The following AGBL4 variants were observed in gnomAD, a reference collection of about 807,000 sequenced individuals.
AGBL4 encodes the protein cytosolic carboxypeptidase 6.
In AGBL4, 58 loss-of-function variants were observed where a neutral mutation model predicts 66.4. That is an observed-to-expected ratio of 0.87 (90% CI 0.71 to 1.09). AGBL4 has a LOEUF of 1.09. AGBL4 is among the 50% of genes least tolerant of loss of function. The probability of loss-of-function intolerance (pLI) is 0.00; values close to 1 mark genes in which losing one functional copy is unlikely to be tolerated. For missense variants in AGBL4, 579 were observed against 631.0 expected (o/e 0.92, Z 0.88); for synonymous variants, 234 against 222.9 (o/e 1.05, Z -0.44).
chr1:49,771,632 T>C (rs1043191835), intron 2 of AGBL4, among the ~76,000 whole-genome samples: 5 of 152,244 alleles, frequency 3.3e-5, no homozygotes, highest in Admixed American at 3.3e-4. Flanking sequence ...GACTATCTTT[T>C]CCTTTAGATC....
chr1:48,749,826 G>A (rs1458062888), intron 6 of AGBL4, among the ~76,000 whole-genome samples: 1 of 152,180 alleles, frequency 6.6e-6, no homozygotes, highest in Non-Finnish European at 1.5e-5. Context: ...AAATGGCAGG[G>A]TATGTGCAGA....
intron 11 of AGBL4, among the ~76,000 whole-genome samples, chr1:48,572,612 G>A (rs1215179661): frequency 1.3e-5 from 2 of 152,102 alleles, no homozygotes; most frequent in African/African-American, 2.4e-5. Context: ...AAAACAAAAC[G>A]GGGAATGAAA....
intron 11 of AGBL4, among the ~76,000 whole-genome samples, chr1:48,565,062 AT>A (rs906948834): frequency 6.6e-6 from 1 of 152,324 alleles, no homozygotes; most frequent in African/African-American, 2.4e-5. Context: ...GAACACTAAC[AT>A]TTACAGTGAG....
intron 4 of AGBL4, among the ~76,000 whole-genome samples, chr1:49,061,858 C>T (rs1449138684): frequency 1.3e-5 from 2 of 152,116 alleles, no homozygotes; most frequent in African/African-American, 4.8e-5. Context: ...ATTAAGTCAA[C>T]CAGTGAGCTG....
chr1:49,661,647 A>G (rs898036060), intron 3 of AGBL4, among the ~76,000 whole-genome samples: 1 of 152,116 alleles, frequency 6.6e-6, no homozygotes, highest in Non-Finnish European at 1.5e-5. Flanking sequence ...TTTATAAATT[A>G]CCCAGTCTAA....
chr1:48,668,694 C>T (rs576061175), intron 6 of AGBL4, among the ~76,000 whole-genome samples: 1 of 152,216 alleles, frequency 6.6e-6, no homozygotes, highest in Non-Finnish European at 1.5e-5. Flanking sequence ...TCATCCAGGA[C>T]TTGGACTGGG....
intron 2 of AGBL4, among the ~76,000 whole-genome samples, chr1:49,786,691 C>T (rs1006326844): frequency 6.6e-6 from 1 of 152,088 alleles, no homozygotes; most frequent in Admixed American, 6.5e-5. Context: ...TCTATAAATA[C>T]TGGACATTTT....
At chr1:49,507,338 G>T (rs1648791121) in intron 3 of AGBL4, among the ~76,000 whole-genome samples, 1 of 151,898 alleles carries the variant, frequency 6.6e-6, no homozygotes, top group South Asian at 2.1e-4. Context: ...GAGCCAAATT[G>T]GGACCAAAAG....
intron 3 of AGBL4, among the ~76,000 whole-genome samples, chr1:49,656,703 T>C (rs1189001859): frequency 6.6e-6 from 1 of 152,144 alleles, no homozygotes; most frequent in Non-Finnish European, 1.5e-5. Context: ...TGGTTCATCA[T>C]ACGCAAATCA....
chr1:49,684,332 G>A (rs1646749336), intron 3 of AGBL4, among the ~76,000 whole-genome samples: 1 of 152,112 alleles, frequency 6.6e-6, no homozygotes, highest in Non-Finnish European at 1.5e-5. Context: ...CTGGTACCCA[G>A]TTTCATTTGC....
chr1:49,580,767 T>C (rs1644526761), intron 3 of AGBL4, among the ~76,000 whole-genome samples: 1 of 152,190 alleles, frequency 6.6e-6, no homozygotes, highest in African/African-American at 2.4e-5. Flanking sequence ...GTGAGTCACA[T>C]GTTTTTCTCT....
At chr1:48,602,184 T>C (rs1280624656) in intron 9 of AGBL4, among the ~76,000 whole-genome samples, 1 of 152,064 alleles carries the variant, frequency 6.6e-6, no homozygotes, top group Non-Finnish European at 1.5e-5. Context: ...ACCACTCAGC[T>C]GCAGGGACAG....
chr1:48,650,444 ACCTT>A (rs57012926), intron 8 of AGBL4, among the ~76,000 whole-genome samples: 68,771 of 146,968 alleles, frequency 0.47, 17,684 homozygotes, highest in Non-Finnish European at 0.57. Context: ...CTGAGAACCA[ACCTT>A]CCTTCCTTCC....
At chr1:49,359,120 C>A (rs1403966843) in intron 3 of AGBL4, among the ~76,000 whole-genome samples, 1 of 152,158 alleles carries the variant, frequency 6.6e-6, no homozygotes, top group Non-Finnish European at 1.5e-5. Context: ...GTGTCTACTG[C>A]AGTTTTAGGC....
chr1:49,965,939 ATTTTTT>A (rs1166636337), intron 1 of AGBL4, among the ~76,000 whole-genome samples: 1 of 136,526 alleles, frequency 7.3e-6, no homozygotes, highest in South Asian at 2.3e-4. Flanking sequence ...TATTACAATG[ATTTTTT>A]TTTTTTTTTT....
At chr1:48,785,412 C>A (rs1016166428) in intron 6 of AGBL4, among the ~76,000 whole-genome samples, 1 of 152,088 alleles carries the variant, frequency 6.6e-6, no homozygotes, top group Admixed American at 6.5e-5. Flanking sequence ...AACAGGTGTA[C>A]GAAGGGCCAT....
intron 2 of AGBL4, among the ~76,000 whole-genome samples, chr1:49,807,154 G>A (rs1172281457): frequency 6.6e-6 from 1 of 152,054 alleles, no homozygotes; most frequent in Non-Finnish European, 1.5e-5. Flanking sequence ...TACCTAGTGG[G>A]GTACAGCCAC....
At chr1:49,941,363 T>C (rs1557601781) in intron 1 of AGBL4, among the ~76,000 whole-genome samples, 1 of 152,088 alleles carries the variant, frequency 6.6e-6, no homozygotes, top group East Asian at 1.9e-4. Flanking sequence ...CAGGAGAGAA[T>C]ACTACCAAAT....
intron 3 of AGBL4, among the ~76,000 whole-genome samples, chr1:49,530,285 CT>C (rs1651028648): frequency 3.9e-4 from 14 of 36,334 alleles, no homozygotes; most frequent in Non-Finnish European, 2.1e-4. Flanking sequence ...AAAAAAAACT[CT>C]ATGAGTTTTT....
Sources: gnomAD v4.1 joint callset for allele counts (sites outside exome capture counted in the v4.1 genomes callset) on GRCh38, gnomAD v4.1.1 for gene constraint, MANE v1.5 for transcripts, NCBI Gene and HGNC (gene_info 2026-07-23, HGNC 2026-07-21) for gene names.